The following PDE1B variants were observed in gnomAD, a reference collection of about 807,000 sequenced individuals.
The protein encoded by PDE1B is phosphodiesterase 1B.
A neutral mutation model predicts 66.7 loss-of-function variants in PDE1B; 13 were observed. The observed-to-expected ratio is 0.19, with a 90% CI of 0.13 to 0.31. PDE1B has a LOEUF of 0.31. Among genes scored for constraint, PDE1B ranks in the 10% least tolerant of loss-of-function variants. The pLI is 1.00. For missense variants in PDE1B, 485 were observed against 682.3 expected, an observed-to-expected ratio of 0.71 and a Z score of 3.22; for synonymous variants, 230 against 253.9, an observed-to-expected ratio of 0.91 and a Z score of 0.90.
In PDE1B at chr12:54,573,455, A is replaced by G. The variant is rs201756814; in HGVS notation, c.937A>G (p.Ile313Val). The change falls in exon 9 of 16, where the codon ATC becomes GTC. Residue 313 changes from isoleucine (I) to valine (V), a missense_variant. Ile to Val is a conservative substitution (Grantham distance 29, BLOSUM62 3). Around this residue, in one of 4 missense-constraint regions of PDE1B, gnomAD observed 282 missense variants for 453.4 expected, o/e 0.62. Coordinates refer to ENST00000243052, the MANE Select transcript of PDE1B (RefSeq NM_000924.4). The surrounding 1 kb of genome is among the most constrained non-coding windows in gnomAD (Gnocchi z 5.2). ...GCAGGATGATGAGATGAACATTTTCATCAACCTCACCAAGGATGAGTTTGT... is the reference window on the plus strand; with the variant it reads ...GCAGGATGATGAGATGAACATTTTCGTCAACCTCACCAAGGATGAGTTTGT... ...LMQDDEMNIF[I>V]NLTKDEFVEL... is the part of the protein sequence containing the mutation. 1.1e-5 allele frequency: 17 copies of G among 1,614,092 alleles called. No homozygotes were observed. The highest frequency in any genetic ancestry group is 4.5e-5 in the East Asian group (2 of 44,894).
chr12:54,555,581 T>C (rs191984703), intron 2 of PDE1B, among the ~76,000 whole-genome samples: 4 of 152,242 alleles, frequency 2.6e-5, no homozygotes, highest in Non-Finnish European at 5.9e-5. Context: ...AATGGTAGCT[T>C]CCCTATCTCC....
intron 10 of PDE1B, chr12:54,574,568 T>TGATTCTAAGA (rs1379701857): frequency 6.6e-6 from 1 of 152,516 alleles, no homozygotes; most frequent in Admixed American, 6.5e-5. Flanking sequence ...CCAGGCCCTT[T>TGATTCTAAGA]GATTCTAAGA....
chr12:54,561,593 C>A, intron 2 of PDE1B: 1 of 1,532,394 alleles, frequency 6.5e-7, no homozygotes, highest in Non-Finnish European at 8.7e-7. Context: ...CCATGGCAAA[C>A]CCTGTTCCTG....
chr12:54,563,448 T>A lies in PDE1B; in HGVS notation c.114-3526T>A, dbSNP rs530571337. 2.0e-4 allele frequency among the ~76,000 whole-genome samples: 30 copies of A among 152,336 alleles called. No homozygotes were observed. In the East Asian group the frequency reaches 4.8e-3, roughly 24 times the overall value. On this transcript the variant is annotated intron_variant, in intron 2 of 15. Coordinates refer to ENST00000243052, the MANE Select transcript of PDE1B (RefSeq NM_000924.4). ...TCCCTGATAAGGAGTTTGTGAAGATTAAATGAAGTTTGTAATTGTAAAGGA... is the reference window on the plus strand; with the variant it reads ...TCCCTGATAAGGAGTTTGTGAAGATAAAATGAAGTTTGTAATTGTAAAGGA...
In PDE1B at chr12:54,549,790, TG is replaced by T. The variant is rs1235420909; in HGVS notation, c.-14+24del. 1.9e-6 allele frequency: 2 copies of T among 1,077,332 alleles called. No individual in the cohort carries two copies. The highest frequency in any genetic ancestry group is 2.8e-6 in the Non-Finnish European group (2 of 713,492). 66.7% of individuals were successfully genotyped at this position (1,077,332 alleles called of 1,614,324 possible). ...AGCCGCAGGTGGGAAGGGCCTGGGATGGGGGGTGAGGGTCTCTCGGCTGGGG... is the reference window on the plus strand; with the variant it reads ...AGCCGCAGGTGGGAAGGGCCTGGGATGGGGGTGAGGGTCTCTCGGCTGGGG... On this transcript the variant is annotated intron_variant, in intron 1 of 15. Transcript: ENST00000243052.
chr12:54,575,807 G>A lies in PDE1B; in HGVS notation c.1267+175G>A. On this transcript the variant is annotated intron_variant, in intron 12 of 15. Transcript: ENST00000243052. This position sits in a 1 kb window ranked among gnomAD's most constrained non-coding sequence, Gnocchi z 4.0. Reference sequence around the variant, plus strand: ...GGCCAGGGGGCTGCAATGGCAGGAAGGAGCTCTCTGGGGCACCAAGACATC... The same window carrying A: ...GGCCAGGGGGCTGCAATGGCAGGAAAGAGCTCTCTGGGGCACCAAGACATC... 1.4e-6 allele frequency: 1 copy of A among 712,420 alleles called. No homozygotes were observed. The highest frequency in any genetic ancestry group is 2.5e-6 in the Non-Finnish European group (1 of 403,640). The allele number at this position is 712,420 out of a possible 1,614,324, so 44.1% of individuals were successfully genotyped here.
At position 54,575,719 on chromosome 12, in the gene PDE1B, C is replaced by A; in HGVS notation, c.1267+87C>A. The A allele has an allele frequency of 1.0e-6, 1 of 985,694 alleles. No individual in the cohort carries two copies. The highest frequency in any genetic ancestry group is 1.6e-5 in the African/African-American group (1 of 63,248). 61.1% of individuals were successfully genotyped at this position (985,694 alleles called of 1,614,324 possible). A position where few individuals can be genotyped will look rare whatever the true frequency, so the allele number is the denominator to read the frequency against. ...AGGATTGCTCCAAGTCCTCAATCCC[C>A]CCAAACCATTCTTCCTGTAGAGGAA... On this transcript the variant is annotated intron_variant, in intron 12 of 15. Coordinates refer to ENST00000243052, the MANE Select transcript of PDE1B (RefSeq NM_000924.4). This position sits in a 1 kb window ranked among gnomAD's most constrained non-coding sequence, Gnocchi z 4.0.
chr12:54,559,552 TC>T (rs1434117645), intron 2 of PDE1B, among the ~76,000 whole-genome samples: 2 of 152,116 alleles, frequency 1.3e-5, no homozygotes, highest in African/African-American at 2.4e-5. Context: ...TGATGGTTGA[TC>T]ATTATCCCTC....
chr12:54,559,224 A>C (rs1369159159), intron 2 of PDE1B, among the ~76,000 whole-genome samples: 80 of 52,174 alleles, frequency 1.5e-3, no homozygotes, highest in African/African-American at 2.2e-3. Context: ...CCACCCCTTT[A>C]CCCCCACCCA....
At chr12:54,557,260 T>C (rs1299432116) in intron 2 of PDE1B, among the ~76,000 whole-genome samples, 4 of 152,228 alleles carry the variant, frequency 2.6e-5, no homozygotes, top group South Asian at 2.1e-4. Context: ...TTCTTTGAAA[T>C]GCCAAGAAAA....
intron 2 of PDE1B, chr12:54,561,513 GT>G: frequency 7.0e-7 from 1 of 1,423,258 alleles, no homozygotes; most frequent in Non-Finnish European, 9.2e-7. Flanking sequence ...AGAGGAAGTT[GT>G]CCCCTCTTGG....
Position 54,579,058 on chromosome 12 carries a change from C to T in PDE1B, c.*1216C>T, listed in dbSNP as rs144107699. On this transcript the variant is annotated 3_prime_UTR_variant, in exon 16 of 16. Transcript: ENST00000243052. ...CTCCTTCTTTCTTGTAAATACCAAC[C>T]ATGCATTTGTACAGTGGGCCCTGTT... 432 of 163,530 alleles carry T rather than the reference C, an allele frequency of 2.6e-3. 4 individuals are homozygous for T. The highest frequency in any genetic ancestry group is 0.016 in the Middle Eastern group (5 of 310). The allele number at this position is 163,530 out of a possible 1,614,324, so 10.1% of individuals were successfully genotyped here. A position where few individuals can be genotyped will look rare whatever the true frequency, so the allele number is the denominator to read the frequency against.
chr12:54,577,200 C>T (rs749893998), intron 14 of PDE1B, 25 bp from the exon 15 acceptor site: 4 of 1,593,108 alleles, frequency 2.5e-6, no homozygotes, highest in Middle Eastern at 3.3e-4. Context: ...GGCCTAAGCT[C>T]AGCCTCCTTT....
intron 3 of PDE1B, among the ~76,000 whole-genome samples, chr12:54,567,861 TA>T (rs202127527): frequency 2.5e-4 from 30 of 118,842 alleles, no homozygotes; most frequent in East Asian, 8.2e-4. Flanking sequence ...TATATATATA[TA>T]TTTTTTTGTT....
Position 54,577,125 on chromosome 12 carries a change from T to C in PDE1B, c.1508-100T>C, listed in dbSNP as rs996207759. 91 of 1,007,804 alleles carry C rather than the reference T, an allele frequency of 9.0e-5. No individual in the cohort carries two copies. In the African/African-American group the frequency reaches 1.4e-3, roughly 15 times the overall value. The allele number at this position is 1,007,804 out of a possible 1,614,324, so 62.4% of individuals were successfully genotyped here. ...GAATGTAGTTCAGCTTGAAGGCAGG[T>C]TGATGGATGAGAATCCCTTACATGT... is the stretch of plus-strand genomic sequence containing the variant. On this transcript the variant is annotated intron_variant, in intron 14 of 15. Coordinates refer to ENST00000243052, the MANE Select transcript of PDE1B (RefSeq NM_000924.4).
rs534374392 is a variant in PDE1B, at chr12:54,558,692, C to T, written c.114-8282C>T. The stretch of plus-strand genomic sequence containing the variant: ...GAAGCCAGAGAGAAGCCCTAAACGT[C>T]CAGAGTGGTGGCGTCAGGGAGACTA... On this transcript the variant is annotated intron_variant, in intron 2 of 15. Coordinates refer to ENST00000243052, the MANE Select transcript of PDE1B (RefSeq NM_000924.4). 6.5e-4 allele frequency among the ~76,000 whole-genome samples: 99 copies of T among 152,322 alleles called. No homozygotes were observed. The Middle Eastern group carries it at 0.01, about 16-fold the overall frequency.
intron 2 of PDE1B, among the ~76,000 whole-genome samples, chr12:54,550,793 A>G (rs1295343666): frequency 6.6e-6 from 1 of 152,170 alleles, no homozygotes; most frequent in Non-Finnish European, 1.5e-5. Context: ...GTGGGGAGGA[A>G]TAAATGGGGG....
chr12:54,568,720 C>T (rs1353105373), intron 3 of PDE1B, among the ~76,000 whole-genome samples: 3 of 151,488 alleles, frequency 2.0e-5, no homozygotes, highest in Non-Finnish European at 4.4e-5. Flanking sequence ...CGCTCGAACC[C>T]GGGAGGCGGA....
intron 2 of PDE1B, among the ~76,000 whole-genome samples, chr12:54,551,099 T>A (rs1957271484): frequency 2.0e-5 from 3 of 152,198 alleles, no homozygotes. Context: ...CAGTTCCTCC[T>A]CAATGTTCTC....
Sources: allele counts gnomAD v4.1 joint callset (sites outside exome capture counted in the v4.1 genomes callset), GRCh38; gene constraint gnomAD v4.1.1; regional missense constraint gnomAD v4.1.1; non-coding constraint Gnocchi (gnomAD v3.1); transcripts MANE v1.5; gene names NCBI Gene and HGNC (gene_info 2026-07-23, HGNC 2026-07-21).